Variants in AGPS observed in about 807,000 individuals in gnomAD.
The protein encoded by AGPS is alkyldihydroxyacetonephosphate synthase, peroxisomal.
In AGPS, 26 loss-of-function variants were observed where a neutral mutation model predicts 90.7. The ratio of observed to expected loss-of-function variants is 0.29; its 90% confidence interval spans 0.21 to 0.40. The LOEUF is 0.40. AGPS is among the 10% of genes least tolerant of loss of function. The pLI, the probability that AGPS is intolerant of heterozygous loss-of-function variation, is 1.00. For synonymous variants in AGPS, 294 were observed against 285.3 expected (o/e 1.03, Z -0.31); for missense variants, 540 against 816.1 (o/e 0.66, Z 4.12).
At chr2:177,453,428 C>G (rs924660307) in intron 8 of AGPS, among the ~76,000 whole-genome samples, 1 of 151,666 alleles carries the variant, frequency 6.6e-6, no homozygotes, top group Non-Finnish European at 1.5e-5. Flanking sequence ...TGCCCCACCA[C>G]GCCCAGCTAA....
Position 177,538,352 on chromosome 2 carries a change from T to C in AGPS, c.*157T>C, listed in dbSNP as rs1335636619. 1.5e-5 allele frequency: 12 copies of C among 776,722 alleles called. No individual in the cohort carries two copies. The allele number at this position is 776,722 out of a possible 1,614,324, so 48.1% of individuals were successfully genotyped here. On this transcript the variant is annotated 3_prime_UTR_variant, in exon 20 of 20. Coordinates refer to ENST00000264167, the MANE Select transcript of AGPS (RefSeq NM_003659.4). ...TTCATTCTGTAGTTTGTTTTGTTTC[T>C]ACATCTATGGATTGACAGATAGTAT...
chr2:177,404,077 A>C (rs982081550), intron 1 of AGPS, among the ~76,000 whole-genome samples: 1 of 152,236 alleles, frequency 6.6e-6, no homozygotes, highest in Non-Finnish European at 1.5e-5. Context: ...ACAAGTAATA[A>C]AAAATTGAAA....
At position 177,434,233 on chromosome 2, in the gene AGPS, A is replaced by G. The variant is rs552881569; in HGVS notation, c.351-94A>G. 144 of 844,420 alleles carry G rather than the reference A, an allele frequency of 1.7e-4. No homozygotes were observed. The East Asian group carries it at 3.7e-3, about 21-fold the overall frequency. The allele number at this position is 844,420 out of a possible 1,614,324, so 52.3% of individuals were successfully genotyped here. A position where few individuals can be genotyped will look rare whatever the true frequency, so the allele number is the denominator to read the frequency against. On this transcript the variant is annotated intron_variant, in intron 2 of 19. Transcript: ENST00000264167. Reference sequence around the variant, plus strand: ...TTACATGTGAAAGTGTTGGTTTGATAGTAGCTGCTTGACCATCACTGGAAG... The same window carrying G: ...TTACATGTGAAAGTGTTGGTTTGATGGTAGCTGCTTGACCATCACTGGAAG...
chr2:177,538,272 TATC>T lies in AGPS; in HGVS notation c.*80_*82del. The stretch of plus-strand genomic sequence containing the variant: ...CTGTGGTTATACTAGTAATCAAATA[TATC>T]ATGGACTATATTTTGGATACATTTG... On this transcript the variant is annotated 3_prime_UTR_variant, in exon 20 of 20. Transcript: ENST00000264167. 1 of 1,395,652 alleles carries T rather than the reference TATC, an allele frequency of 7.2e-7. No homozygotes were observed. Among genetic ancestry groups the T allele is most frequent in the African/African-American group, 1.4e-5 (1 of 69,818 alleles). The allele number at this position is 1,395,652 out of a possible 1,614,324, so 86.5% of individuals were successfully genotyped here. A position where few individuals can be genotyped will look rare whatever the true frequency, so the allele number is the denominator to read the frequency against.
At chr2:177,412,628 G>A (rs1685652502) in intron 1 of AGPS, among the ~76,000 whole-genome samples, 1 of 152,168 alleles carries the variant, frequency 6.6e-6, no homozygotes, top group Admixed American at 6.5e-5. Context: ...GCTTTGGAGA[G>A]TCCCTTCGTG....
chr2:177,505,429 T>C (rs1050203127), intron 14 of AGPS, 77 bp from the exon 15 acceptor site: 5 of 1,276,832 alleles, frequency 3.9e-6, no homozygotes, highest in Admixed American at 3.4e-5. Flanking sequence ...ACTTATTCTC[T>C]TGACAGCTTT....
intron 8 of AGPS, among the ~76,000 whole-genome samples, chr2:177,461,021 C>T (rs1190985952): frequency 6.6e-6 from 1 of 152,222 alleles, no homozygotes; most frequent in Non-Finnish European, 1.5e-5. Context: ...ACGTGGCTGA[C>T]ATATTCTACA....
chr2:177,444,448 A>G (rs960563703), intron 7 of AGPS, among the ~76,000 whole-genome samples: 1 of 151,612 alleles, frequency 6.6e-6, no homozygotes, highest in African/African-American at 2.4e-5. Context: ...AAAGAAAGAA[A>G]GAAATTACTA....
chr2:177,437,114 C>A, intron 5 of AGPS, 60 bp downstream of exon 5: 1 of 1,479,234 alleles, frequency 6.8e-7, no homozygotes, highest in Non-Finnish European at 9.4e-7. Flanking sequence ...GTAAATTTAA[C>A]ATTGGAAATA....
At chr2:177,462,430 T>C (rs1465883207) in intron 9 of AGPS, among the ~76,000 whole-genome samples, 2 of 148,546 alleles carry the variant, frequency 1.3e-5, no homozygotes, top group Non-Finnish European at 3.0e-5. Flanking sequence ...AGTTGGATGG[T>C]AGATTCCCCC....
chr2:177,493,230 AT>A, intron 12 of AGPS, 31 bp downstream of exon 12: 1 of 1,571,370 alleles, frequency 6.4e-7, no homozygotes, highest in Non-Finnish European at 8.8e-7. Flanking sequence ...TTAAAATGTC[AT>A]TTAGCCACAG....
intron 19 of AGPS, among the ~76,000 whole-genome samples, chr2:177,528,749 A>G (rs1346911238): frequency 6.6e-6 from 1 of 151,958 alleles, no homozygotes; most frequent in Admixed American, 6.6e-5. Flanking sequence ...TGCTCAATGA[A>G]TATGTTAAAT....
chr2:177,397,514 G>GA (rs1685216792), intron 1 of AGPS, among the ~76,000 whole-genome samples: 2 of 150,194 alleles, frequency 1.3e-5, no homozygotes, highest in Admixed American at 1.3e-4. Flanking sequence ...AAAAAGAGAA[G>GA]AAAAAATACC....
chr2:177,534,127 T>C (rs1259019179), intron 19 of AGPS, among the ~76,000 whole-genome samples: 1 of 152,244 alleles, frequency 6.6e-6, no homozygotes, highest in Non-Finnish European at 1.5e-5. Flanking sequence ...TTATCCCTTT[T>C]AGATTAGGAC....
intron 1 of AGPS, 82 bp from the exon 2 acceptor site, chr2:177,420,185 TTG>T (rs1685904624): frequency 1.1e-6 from 1 of 874,038 alleles, no homozygotes; most frequent in Non-Finnish European, 1.9e-6. Flanking sequence ...TTTTAGATGA[TTG>T]TGAGTTAATA....
chr2:177,409,765 A>C (rs1441334220), intron 1 of AGPS, among the ~76,000 whole-genome samples: 1 of 152,114 alleles, frequency 6.6e-6, no homozygotes, highest in Non-Finnish European at 1.5e-5. Flanking sequence ...CAGTAGTTCA[A>C]ATGCATCAGG....
chr2:177,451,843 A>G (rs1686962133), intron 8 of AGPS, among the ~76,000 whole-genome samples: 1 of 152,016 alleles, frequency 6.6e-6, no homozygotes, highest in Non-Finnish European at 1.5e-5. Flanking sequence ...TTTTTTCCCA[A>G]TTGTTGCTTT....
rs147010428 is a variant in AGPS, at chr2:177,529,164, A to C, written c.1855+5359A>C. 7.2e-5 allele frequency among the ~76,000 whole-genome samples: 11 copies of C among 152,100 alleles called. No individual in the cohort carries two copies. In the East Asian group the frequency reaches 2.1e-3, roughly 29 times the overall value. ...GAGCCACCACTCCCGGCCGCATATT[A>C]TTCTTTTATATTAGAACAGCAGTAG... is the stretch of plus-strand genomic sequence containing the variant. On this transcript the variant is annotated intron_variant, in intron 19 of 19. Coordinates refer to ENST00000264167, the MANE Select transcript of AGPS (RefSeq NM_003659.4).
chr2:177,403,573 A>G (rs1685387043), intron 1 of AGPS, among the ~76,000 whole-genome samples: 2 of 152,356 alleles, frequency 1.3e-5, no homozygotes, highest in South Asian at 4.1e-4. Context: ...AAAAGGGAAA[A>G]TAATTTTGGC....
Sources: gnomAD v4.1 joint callset for allele counts (sites outside exome capture counted in the v4.1 genomes callset) on GRCh38, gnomAD v4.1.1 for gene constraint, MANE v1.5 for transcripts, NCBI Gene and HGNC (gene_info 2026-07-23, HGNC 2026-07-21) for gene names.